Variants in TMOD2 observed in about 807,000 individuals in gnomAD.
The protein encoded by TMOD2 is tropomodulin-2.
TMOD2 carries 22 observed loss-of-function variants against 39.9 expected under a neutral mutation model. The observed-to-expected ratio is 0.55, with a 90% CI of 0.39 to 0.79. The LOEUF is 0.79. Ranked by LOEUF, TMOD2 falls within the 30% of genes least tolerant of loss-of-function variation. The pLI is 0.00. For missense variants in TMOD2, 386 were observed against 413.3 expected (o/e 0.93, Z 0.57); for synonymous variants, 123 against 146.1 (o/e 0.84, Z 1.14).
intron 1 of TMOD2, among the ~76,000 whole-genome samples, chr15:51,754,041 G>T (rs1347222082): frequency 6.6e-6 from 1 of 152,030 alleles, no homozygotes; most frequent in Non-Finnish European, 1.5e-5. Context: ...TCACCTATTG[G>T]AGGTGTGAGT....
chr15:51,799,148 A>G (rs1002163633), intron 8 of TMOD2, among the ~76,000 whole-genome samples: 6 of 152,052 alleles, frequency 3.9e-5, no homozygotes, highest in Admixed American at 1.3e-4. Flanking sequence ...TCCTCTGGCC[A>G]TGGGGAAGGG....
intron 8 of TMOD2, among the ~76,000 whole-genome samples, chr15:51,799,780 A>G (rs1453281991): frequency 6.6e-6 from 1 of 152,208 alleles, no homozygotes; most frequent in African/African-American, 2.4e-5. Context: ...AACAGAAGTG[A>G]TCACTCAGGG....
Position 51,771,993 on chromosome 15 carries a change from T to C in TMOD2, c.284-1719T>C, listed in dbSNP as rs1433036751. On this transcript the variant is annotated intron_variant, in intron 3 of 9. Coordinates refer to ENST00000249700, the MANE Select transcript of TMOD2 (RefSeq NM_014548.4). ...GACGACAAGCAGTGCCTTTCTTTCC[T>C]GTGTTTGGAGTGCCCAGCTCTGACA... Among the ~76,000 whole-genome samples, 4 of 152,294 alleles carry C rather than the reference T, an allele frequency of 2.6e-5. No homozygotes were observed. The East Asian group carries it at 7.7e-4, about 29-fold the overall frequency.
intron 7 of TMOD2, among the ~76,000 whole-genome samples, chr15:51,788,382 C>A (rs1362423347): frequency 6.6e-6 from 1 of 152,052 alleles, no homozygotes; most frequent in African/African-American, 2.4e-5. Flanking sequence ...GTGAAAAGAC[C>A]AAATCTACGT....
chr15:51,770,170 C>A (rs1259229914), intron 3 of TMOD2, among the ~76,000 whole-genome samples: 1 of 152,212 alleles, frequency 6.6e-6, no homozygotes, highest in African/African-American at 2.4e-5. Flanking sequence ...CCTCAGCCCC[C>A]ACTGTCTTCA....
chr15:51,768,417 A>G lies in TMOD2; in HGVS notation c.282A>G (p.Lys94=), dbSNP rs754107813. 6 of 1,613,320 alleles carry G rather than the reference A, an allele frequency of 3.7e-6. No individual in the cohort carries two copies. In the East Asian group the frequency reaches 1.3e-4, roughly 36 times the overall value. The change falls in exon 3 of 10, where the codon AAA becomes AAG. Residue 94 remains lysine, a splice_region_variant and synonymous_variant. Transcript: ENST00000249700. ...TTGTGCCCTTCACTGGAGAAAAGAA[A>G]GGTAAGGACCACAGGCAGAGCATCT... ...EDFVPFTGEK[K]GRVFIPKEKP... is the part of the protein sequence containing the mutation.
At position 51,781,308 on chromosome 15, in the gene TMOD2, T is replaced by C. The variant is rs1322497853; in HGVS notation, c.624+134T>C. ...ACTGAGTTGGAGTCAAGGTATCCTA[T>C]TCAAAAGAAGTGGGTTTTGGAAAAC... On this transcript the variant is annotated intron_variant, in intron 6 of 9. Coordinates refer to ENST00000249700, the MANE Select transcript of TMOD2 (RefSeq NM_014548.4). The C allele has an allele frequency of 1.5e-5, 11 of 753,594 alleles. No homozygotes were observed. The Admixed American group carries it at 2.1e-4, about 14-fold the overall frequency. 46.7% of individuals were successfully genotyped at this position (753,594 alleles called of 1,614,324 possible). A position where few individuals can be genotyped will look rare whatever the true frequency, so the allele number is the denominator to read the frequency against.
intron 7 of TMOD2, among the ~76,000 whole-genome samples, chr15:51,788,667 C>T (rs961754923): frequency 6.6e-6 from 1 of 151,762 alleles, no homozygotes; most frequent in Non-Finnish European, 1.5e-5. Flanking sequence ...AGACTAACAG[C>T]GGATCTCTCA....
intron 1 of TMOD2, chr15:51,756,548 C>A (rs1006315358): frequency 1.3e-5 from 2 of 152,236 alleles, no homozygotes; most frequent in African/African-American, 2.4e-5. Flanking sequence ...CATATCTGCA[C>A]CATCAGACCT....
Position 51,815,373 on chromosome 15 carries a change from C to G in TMOD2, c.*6919C>G, listed in dbSNP as rs1008760829. 4 of 152,066 alleles carry G rather than the reference C, an allele frequency of 2.6e-5. No homozygotes were observed. The highest frequency in any genetic ancestry group is 9.7e-5 in the African/African-American group (4 of 41,390). The allele number at this position is 152,066 out of a possible 1,614,324, so 9.4% of individuals were successfully genotyped here. On this transcript the variant is annotated 3_prime_UTR_variant, in exon 10 of 10. Coordinates refer to ENST00000249700, the MANE Select transcript of TMOD2 (RefSeq NM_014548.4). The stretch of plus-strand genomic sequence containing the variant: ...TAAACACAGCATTTTTTTGTAGGCT[C>G]TTATTTAAAATGTGTGTGTGTGTGT...
At chr15:51,801,039 AT>A (rs1363606568) in intron 8 of TMOD2, among the ~76,000 whole-genome samples, 1 of 152,000 alleles carries the variant, frequency 6.6e-6, no homozygotes, top group African/African-American at 2.4e-5. Context: ...GACAAGGAGG[AT>A]TAAGATTTTC....
At chr15:51,788,922 G>A (rs567054919) in intron 7 of TMOD2, among the ~76,000 whole-genome samples, 8 of 152,268 alleles carry the variant, frequency 5.3e-5, no homozygotes, top group East Asian at 1.9e-4. Context: ...TGTAAAGACC[G>A]TCAACGCTAT....
At chr15:51,787,409 C>T (rs2055978262) in intron 7 of TMOD2, among the ~76,000 whole-genome samples, 2 of 152,272 alleles carry the variant, frequency 1.3e-5, no homozygotes, top group African/African-American at 2.4e-5. Context: ...CTAGATTCCA[C>T]CTCTGGGGGC....
intron 7 of TMOD2, among the ~76,000 whole-genome samples, chr15:51,790,066 C>T (rs2055999865): frequency 6.6e-6 from 1 of 152,050 alleles, no homozygotes; most frequent in Non-Finnish European, 1.5e-5. Context: ...TCAATGAATC[C>T]AGGAGCTGGT....
At chr15:51,780,602 T>C (rs1052573310) in intron 5 of TMOD2, among the ~76,000 whole-genome samples, 1 of 152,160 alleles carries the variant, frequency 6.6e-6, no homozygotes, top group Non-Finnish European at 1.5e-5. Context: ...AGCTCCAGAA[T>C]AGAACTCAGA....
At chr15:51,800,943 C>T (rs1351788096) in intron 8 of TMOD2, among the ~76,000 whole-genome samples, 2 of 152,176 alleles carry the variant, frequency 1.3e-5, no homozygotes, top group Non-Finnish European at 2.9e-5. Context: ...GGGTTCAAGC[C>T]ATCCTCCTGC....
chr15:51,752,934 G>C (rs928746582), intron 1 of TMOD2: 1 of 152,180 alleles, frequency 6.6e-6, no homozygotes, highest in African/African-American at 2.4e-5. Context: ...CAAAATGATG[G>C]GGTTTGTTTT....
In TMOD2 at chr15:51,810,052, C is replaced by CACCAA. The variant is rs1348538975; in HGVS notation, c.*1598_*1599insACCAA. The CACCAA allele has an allele frequency of 6.6e-6, 1 of 152,082 alleles. No homozygotes were observed. Among genetic ancestry groups the CACCAA allele is most frequent in the African/African-American group, 2.4e-5 (1 of 41,418 alleles). The allele number at this position is 152,082 out of a possible 1,614,324, so 9.4% of individuals were successfully genotyped here. ...TTGAGAACACCATAAGCAGAATATT[C>CACCAA]TAACACCTTTGGCCCCTGAAAATCC... On this transcript the variant is annotated 3_prime_UTR_variant, in exon 10 of 10. Coordinates refer to ENST00000249700, the MANE Select transcript of TMOD2 (RefSeq NM_014548.4).
intron 3 of TMOD2, among the ~76,000 whole-genome samples, chr15:51,772,790 G>A (rs2010026): frequency 0.33 from 50,183 of 151,972 alleles, 9,168 homozygotes; most frequent in Middle Eastern, 0.43. Flanking sequence ...CTAGTTGTCT[G>A]CATTCCCAAT....
Sources: allele counts gnomAD v4.1 joint callset (sites outside exome capture counted in the v4.1 genomes callset), GRCh38; gene constraint gnomAD v4.1.1; transcripts MANE v1.5; gene names NCBI Gene and HGNC (gene_info 2026-07-23, HGNC 2026-07-21).